KDM4C: variants seen among roughly 807,000 people sequenced by gnomAD.
KDM4C encodes lysine-specific demethylase 4C.
A neutral mutation model predicts 129.3 loss-of-function variants in KDM4C; 81 were observed. The observed-to-expected ratio is 0.63, with a 90% CI of 0.52 to 0.75. The LOEUF (loss-of-function observed/expected upper bound fraction) is 0.75, where lower values mean the gene tolerates loss of function less well. Among genes scored for constraint, KDM4C ranks in the 30% least tolerant of loss-of-function variants. The pLI, the probability that KDM4C is intolerant of heterozygous loss-of-function variation, is 0.00. For missense variants in KDM4C, 1,457 were observed against 1,304.0 expected (o/e 1.12, Z -1.81); for synonymous variants, 573 against 456.1 (o/e 1.26, Z -3.26).
rs756843257 is a variant in KDM4C, at chr9:6,793,094, A to G, written c.106A>G (p.Met36Val). The change falls in exon 2 of 22, where the codon ATG becomes GTG. Residue 36 changes from methionine (M) to valine (V), a missense_variant. By Grantham distance (21) the Met-to-Val change is conservative. Coordinates refer to ENST00000381309, the MANE Select transcript of KDM4C (RefSeq NM_015061.6). ...GGAGTTCAACAAATACCTTGCATAC[A>G]TGGAGTCTAAAGGAGCCCATCGTGC... ...FREFNKYLAY[M>V]ESKGAHRAGL... 2 of 1,614,096 alleles carry G rather than the reference A, an allele frequency of 1.2e-6. No homozygotes were observed. Among genetic ancestry groups the G allele is most frequent in the South Asian group, 1.1e-5 (1 of 91,074 alleles).
chr9:7,063,099 C>T (rs562671738), intron 17 of KDM4C, among the ~76,000 whole-genome samples: 35 of 152,042 alleles, frequency 2.3e-4, no homozygotes, highest in African/African-American at 7.5e-4. Context: ...ATAGCATTAG[C>T]AAAAAATAGA....
intron 17 of KDM4C, among the ~76,000 whole-genome samples, chr9:7,059,218 T>G (rs574632836): frequency 6.6e-6 from 1 of 152,280 alleles, no homozygotes; most frequent in South Asian, 2.1e-4. Flanking sequence ...GGCGCCATCA[T>G]GGCTCATTGC....
chr9:7,145,024 G>C (rs914630808), intron 19 of KDM4C, among the ~76,000 whole-genome samples: 1 of 152,248 alleles, frequency 6.6e-6, no homozygotes, highest in East Asian at 1.9e-4. Flanking sequence ...ACCCCTTTGC[G>C]CATCACCTGG....
At chr9:7,110,991 A>G (rs1406463960) in intron 18 of KDM4C, among the ~76,000 whole-genome samples, 5 of 152,202 alleles carry the variant, frequency 3.3e-5, no homozygotes, top group African/African-American at 1.2e-4. Context: ...GTTCAGTTCA[A>G]TATATGTAGG....
In KDM4C at chr9:6,867,015, ATATT is replaced by A. The variant is rs1451542165; in HGVS notation, c.630-12995_630-12992del. ...TGTGTGTGTGTATATATATATATAT[ATATT>A]TTTTTTTTTTTTTGGAAGATGGAAT... On this transcript the variant is annotated intron_variant, in intron 5 of 21. Coordinates refer to ENST00000381309, the MANE Select transcript of KDM4C (RefSeq NM_015061.6). 8.5e-3 allele frequency among the ~76,000 whole-genome samples: 972 copies of A among 114,220 alleles called. 10 individuals are homozygous for A. The highest frequency in any genetic ancestry group is 0.028 in the African/African-American group (832 of 29,814). 74.9% of individuals were successfully genotyped at this position (114,220 alleles called of 152,430 possible).
chr9:6,807,789 G>A (rs1830313700), intron 3 of KDM4C, among the ~76,000 whole-genome samples: 2 of 134,798 alleles, frequency 1.5e-5, no homozygotes, highest in South Asian at 2.3e-4. Context: ...TGGGAGGGAG[G>A]TGGGGGGGGG....
chr9:7,042,782 C>A (rs1274804571), intron 15 of KDM4C, among the ~76,000 whole-genome samples: 1 of 152,016 alleles, frequency 6.6e-6, no homozygotes, highest in Non-Finnish European at 1.5e-5. Context: ...AGAAAAGGTG[C>A]ATGGACATTT....
intron 7 of KDM4C, among the ~76,000 whole-genome samples, chr9:6,890,970 C>T (rs992610289): frequency 6.6e-6 from 1 of 152,202 alleles, no homozygotes; most frequent in Non-Finnish European, 1.5e-5. Context: ...AGAACATCTT[C>T]TGGGGTTTCT....
At chr9:6,769,386 C>G (rs372763238) in intron 1 of KDM4C, among the ~76,000 whole-genome samples, 3 of 151,792 alleles carry the variant, frequency 2.0e-5, no homozygotes, top group Non-Finnish European at 4.4e-5. Context: ...GAGAGCCTAG[C>G]AAAGAGGTCA....
chr9:6,903,794 T>C (rs1210732740), intron 8 of KDM4C, among the ~76,000 whole-genome samples: 1 of 152,220 alleles, frequency 6.6e-6, no homozygotes, highest in Admixed American at 6.5e-5. Flanking sequence ...TGGCACCCTT[T>C]CTAGTTTATT....
chr9:6,798,245 T>C (rs559629145), intron 2 of KDM4C, among the ~76,000 whole-genome samples: 13 of 67,954 alleles, frequency 1.9e-4, no homozygotes, highest in African/African-American at 9.0e-4. Context: ...AACTTCCTTT[T>C]TTCTTTCTTT....
At chr9:6,814,432 A>T (rs928276417) in intron 3 of KDM4C, among the ~76,000 whole-genome samples, 199 bp from the exon 4 acceptor site, 2 of 152,212 alleles carry the variant, frequency 1.3e-5, no homozygotes, top group Non-Finnish European at 1.5e-5. Flanking sequence ...ATGTAAAGTA[A>T]TATTGAGTAT....
At chr9:6,969,689 G>C (rs1230543748) in intron 8 of KDM4C, among the ~76,000 whole-genome samples, 1 of 152,154 alleles carries the variant, frequency 6.6e-6, no homozygotes, top group African/African-American at 2.4e-5. Context: ...TTCAACCGTA[G>C]ATGCATTTCC....
chr9:6,820,029 G>A (rs573061745), intron 4 of KDM4C, among the ~76,000 whole-genome samples: 4 of 152,172 alleles, frequency 2.6e-5, no homozygotes, highest in Non-Finnish European at 5.9e-5. Flanking sequence ...TTTTGGTGGG[G>A]GTGGGAGTTC....
chr9:6,788,334 G>T (rs975859451), intron 1 of KDM4C, among the ~76,000 whole-genome samples: 18 of 151,982 alleles, frequency 1.2e-4, no homozygotes, highest in African/African-American at 4.3e-4. Flanking sequence ...TTTTCCTATT[G>T]GCTTTTTCCT....
intron 19 of KDM4C, among the ~76,000 whole-genome samples, chr9:7,143,611 A>G (rs1193526599): frequency 2.0e-5 from 3 of 152,200 alleles, no homozygotes; most frequent in South Asian, 2.1e-4. Context: ...TGTTATCTAC[A>G]TATTATTTTC....
At chr9:7,038,459 G>A (rs1828017777) in intron 15 of KDM4C, among the ~76,000 whole-genome samples, 1 of 151,920 alleles carries the variant, frequency 6.6e-6, no homozygotes, top group Non-Finnish European at 1.5e-5. Context: ...CATACTACTT[G>A]TTTTAATTCT....
chr9:7,040,779 A>G (rs771546581), intron 15 of KDM4C, among the ~76,000 whole-genome samples: 22 of 151,756 alleles, frequency 1.4e-4, no homozygotes, highest in Non-Finnish European at 2.5e-4. Context: ...TGTTTACTAA[A>G]TGTGGCTTTT....
rs542235468 is a variant in KDM4C, at chr9:6,992,045, C to G, written c.1786+1521C>G. Among the ~76,000 whole-genome samples the G allele has an allele frequency of 1.4e-3, 209 of 151,544 alleles. 2 individuals carry two copies. The highest frequency in any genetic ancestry group is 4.8e-3 in the African/African-American group (199 of 41,294). ...TTTTTTTTTTGCTACTTTATTATACCCAGTACAAACCATTTTCCCTTTAGT... is the reference window on the plus strand; with the variant it reads ...TTTTTTTTTTGCTACTTTATTATACGCAGTACAAACCATTTTCCCTTTAGT... On this transcript the variant is annotated intron_variant, in intron 12 of 21. Coordinates refer to ENST00000381309, the MANE Select transcript of KDM4C (RefSeq NM_015061.6).
Sources: gnomAD v4.1 joint callset for allele counts (sites outside exome capture counted in the v4.1 genomes callset) on GRCh38, gnomAD v4.1.1 for gene constraint, MANE v1.5 for transcripts, NCBI Gene and HGNC (gene_info 2026-07-23, HGNC 2026-07-21) for gene names.